Variants in SMG6 observed in about 807,000 individuals in gnomAD.
SMG6 encodes the protein SMG6 nonsense mediated mRNA decay factor.
Under a neutral mutation model 142.2 loss-of-function variants are expected in SMG6, and 66 were observed. The observed-to-expected ratio is 0.46, with a 90% CI of 0.38 to 0.57. The LOEUF is 0.57. Among genes scored for constraint, SMG6 ranks in the 20% least tolerant of loss-of-function variants. The pLI is 0.00. For synonymous variants in SMG6, 779 were observed against 702.4 expected, an observed-to-expected ratio of 1.11 and a Z score of -1.72; for missense variants, 1,793 against 1,832.0, an observed-to-expected ratio of 0.98 and a Z score of 0.39.
intron 8 of SMG6, among the ~76,000 whole-genome samples, chr17:2,260,903 G>C (rs1378639978): frequency 6.6e-6 from 1 of 152,024 alleles, no homozygotes; most frequent in Non-Finnish European, 1.5e-5. Flanking sequence ...GGCTGAGGCA[G>C]AAGAATCACT....
At chr17:2,206,390 A>G (rs1401173389) in intron 10 of SMG6, among the ~76,000 whole-genome samples, 1 of 151,774 alleles carries the variant, frequency 6.6e-6, no homozygotes, top group Non-Finnish European at 1.5e-5. Flanking sequence ...TGGGCAACAT[A>G]GTGAGACCCC....
intron 13 of SMG6, among the ~76,000 whole-genome samples, chr17:2,131,920 A>G (rs1305361336): frequency 6.6e-6 from 1 of 152,044 alleles, no homozygotes; most frequent in Non-Finnish European, 1.5e-5. Flanking sequence ...AAAAATACAA[A>G]AATTAGCCAG....
At chr17:2,199,850 T>C (rs2151719514) in intron 10 of SMG6, 1 of 148,830 alleles carries the variant, frequency 6.7e-6, no homozygotes, top group South Asian at 2.3e-4. Flanking sequence ...GGGGTTGCAG[T>C]GAACTGAGAT....
intron 6 of SMG6, among the ~76,000 whole-genome samples, chr17:2,291,151 G>GA: frequency 6.6e-6 from 1 of 152,272 alleles, no homozygotes; most frequent in Admixed American, 6.5e-5. Context: ...CTAACACAAT[G>GA]AAACCCCGTC....
intron 10 of SMG6, among the ~76,000 whole-genome samples, chr17:2,216,876 G>T (rs1490850188): frequency 6.6e-6 from 1 of 152,018 alleles, no homozygotes; most frequent in East Asian, 1.9e-4. Flanking sequence ...TGGAATGCAG[G>T]AAGAGTTAGA....
At chr17:2,265,947 A>G (rs2074414756) in intron 8 of SMG6, 1 of 972,338 alleles carries the variant, frequency 1.0e-6, no homozygotes, top group Non-Finnish European at 1.2e-6. Context: ...GAACTGGTGC[A>G]TGTGTTGGGC....
intron 13 of SMG6, among the ~76,000 whole-genome samples, chr17:2,110,958 C>T (rs2069298086): frequency 6.6e-6 from 1 of 152,166 alleles, no homozygotes; most frequent in Non-Finnish European, 1.5e-5. Flanking sequence ...CTGCCTGGTA[C>T]ATCTGAAGGC....
intron 10 of SMG6, among the ~76,000 whole-genome samples, chr17:2,203,518 G>C (rs1401333523): frequency 2.0e-5 from 3 of 152,196 alleles, no homozygotes; most frequent in African/African-American, 7.2e-5. Flanking sequence ...CAAAGGAAGA[G>C]TAGAAAAGCA....
At chr17:2,235,532 C>T (rs949203094) in intron 10 of SMG6, among the ~76,000 whole-genome samples, 13 of 152,252 alleles carry the variant, frequency 8.5e-5, no homozygotes, top group Middle Eastern at 3.4e-3. Context: ...AGAGACCCAG[C>T]GCCACTCTGT....
At chr17:2,242,785 G>A (rs539817315) in intron 9 of SMG6, among the ~76,000 whole-genome samples, 5 of 151,372 alleles carry the variant, frequency 3.3e-5, no homozygotes, top group African/African-American at 4.8e-5. Context: ...TTTCCTACTC[G>A]GATGTGTTAT....
intron 10 of SMG6, among the ~76,000 whole-genome samples, chr17:2,193,736 T>C (rs537658962): frequency 6.6e-5 from 10 of 152,346 alleles, no homozygotes; most frequent in African/African-American, 2.4e-4. Flanking sequence ...GACAATGTAC[T>C]ACATATCATA....
At chr17:2,195,740 T>C (rs578157217) in intron 10 of SMG6, among the ~76,000 whole-genome samples, 1 of 152,346 alleles carries the variant, frequency 6.6e-6, no homozygotes, top group South Asian at 2.1e-4. Flanking sequence ...TGCCTGAGTA[T>C]TATTCTCCTT....
chr17:2,118,462 C>G (rs1447213494), intron 13 of SMG6, among the ~76,000 whole-genome samples: 4 of 152,120 alleles, frequency 2.6e-5, no homozygotes, highest in Non-Finnish European at 5.9e-5. Context: ...TCACTTGAAC[C>G]TGGGGAGTAG....
intron 1 of SMG6, 37 bp downstream of exon 1, chr17:2,303,596 G>T (rs1473422611): frequency 7.2e-7 from 1 of 1,393,584 alleles, no homozygotes; most frequent in Admixed American, 3.4e-5. Flanking sequence ...AGGCGGGGCG[G>T]GCAGGCCCGG....
intron 13 of SMG6, among the ~76,000 whole-genome samples, chr17:2,165,496 T>C (rs2071309085): frequency 6.6e-6 from 1 of 152,248 alleles, no homozygotes; most frequent in Non-Finnish European, 1.5e-5. Context: ...TTTGGAATAT[T>C]TGCACTTTAT....
At chr17:2,243,551 T>C (rs1410062775) in intron 9 of SMG6, among the ~76,000 whole-genome samples, 1 of 152,198 alleles carries the variant, frequency 6.6e-6, no homozygotes, top group African/African-American at 2.4e-5. Flanking sequence ...CGCGGTGGCA[T>C]GTGCCTGTAA....
intron 13 of SMG6, among the ~76,000 whole-genome samples, chr17:2,145,752 A>G (rs2070650624): frequency 6.6e-6 from 1 of 151,914 alleles, no homozygotes; most frequent in Non-Finnish European, 1.5e-5. Flanking sequence ...AAAACAAAAA[A>G]CAAGAAGCCA....
chr17:2,212,027 C>G (rs1335230741), intron 10 of SMG6, among the ~76,000 whole-genome samples: 1 of 152,230 alleles, frequency 6.6e-6, no homozygotes, highest in African/African-American at 2.4e-5. Context: ...ATCAGCATCT[C>G]TGAAAGTCAC....
chr17:2,288,995 C>T (rs1012036163), intron 6 of SMG6, among the ~76,000 whole-genome samples: 3 of 148,774 alleles, frequency 2.0e-5, no homozygotes, highest in African/African-American at 7.5e-5. Flanking sequence ...AGGAGAATGG[C>T]GTGAACCCGG....
Sources: allele counts gnomAD v4.1 joint callset (sites outside exome capture counted in the v4.1 genomes callset), GRCh38; gene constraint gnomAD v4.1.1; transcripts MANE v1.5; gene names NCBI Gene and HGNC (gene_info 2026-07-23, HGNC 2026-07-21).